KCNK1: variants seen among roughly 807,000 people sequenced by gnomAD.
KCNK1 encodes potassium two pore domain channel subfamily K member 1.
KCNK1 carries 10 observed loss-of-function variants against 22.2 expected under a neutral mutation model. The ratio of observed to expected loss-of-function variants is 0.45; its 90% CI spans 0.28 to 0.76. The LOEUF (loss-of-function observed/expected upper bound fraction) is 0.76. KCNK1 is among the 30% of genes least tolerant of loss of function. The probability of loss-of-function intolerance (pLI) is 0.14; values close to 1 mark genes in which losing one functional copy is unlikely to be tolerated. For synonymous variants in KCNK1, 200 were observed against 186.4 expected, an observed-to-expected ratio of 1.07 and a Z score of -0.60; for missense variants, 378 against 421.0, an observed-to-expected ratio of 0.90 and a Z score of 0.89.
At chr1:233,645,549 A>G (rs2102898105) in intron 1 of KCNK1, among the ~76,000 whole-genome samples, 1 of 152,366 alleles carries the variant, frequency 6.6e-6, no homozygotes, top group South Asian at 2.1e-4. Flanking sequence ...GGAAGAGGCA[A>G]GAAAGCCTTT....
chr1:233,633,326 A>G (rs1657838254), intron 1 of KCNK1, among the ~76,000 whole-genome samples: 2 of 151,990 alleles, frequency 1.3e-5, no homozygotes, highest in Non-Finnish European at 2.9e-5. Flanking sequence ...CCATTGGAGT[A>G]TGTATTATAG....
intron 2 of KCNK1, among the ~76,000 whole-genome samples, chr1:233,667,729 C>CA (rs71170433): frequency 0.11 from 9,696 of 85,962 alleles, 1,144 homozygotes; most frequent in African/African-American, 0.21. Context: ...GACTCCGTCT[C>CA]AAAAAAAAAA....
At chr1:233,666,020 C>A (rs1258756546) in intron 1 of KCNK1, among the ~76,000 whole-genome samples, 1 of 152,208 alleles carries the variant, frequency 6.6e-6, no homozygotes, top group Admixed American at 6.5e-5. Flanking sequence ...CATTTTTCTT[C>A]CGCTTTTTGA....
intron 1 of KCNK1, among the ~76,000 whole-genome samples, chr1:233,652,163 G>A (rs1245236622): frequency 6.6e-6 from 1 of 152,174 alleles, no homozygotes; most frequent in African/African-American, 2.4e-5. Flanking sequence ...AAGGCCATGG[G>A]ATCATGGGGG....
chr1:233,636,903 A>G (rs1476251209), intron 1 of KCNK1, among the ~76,000 whole-genome samples: 1 of 152,096 alleles, frequency 6.6e-6, no homozygotes, highest in African/African-American at 2.4e-5. Flanking sequence ...GGTGTTTAAG[A>G]TGGTGAGATG....
chr1:233,671,619 G>A lies in KCNK1; in HGVS notation c.*89G>A. On this transcript the variant is annotated 3_prime_UTR_variant, in exon 3 of 3. Transcript: ENST00000366621. ...TGTTCATTTTTATCAGAATGCAAAA[G>A]CGAAAATTATGTCACTTTAAGAAAT... 1 of 1,465,510 alleles carries A rather than the reference G, an allele frequency of 6.8e-7. No homozygotes were observed. The highest frequency in any genetic ancestry group is 1.3e-5 in the South Asian group (1 of 78,492). 90.8% of individuals were successfully genotyped at this position (1,465,510 alleles called of 1,614,324 possible).
intron 1 of KCNK1, among the ~76,000 whole-genome samples, chr1:233,628,782 A>AATAATAATAATAATAATAATAATAATG: frequency 6.6e-6 from 1 of 151,856 alleles, no homozygotes; most frequent in African/African-American, 2.4e-5. Flanking sequence ...TAATAATAAT[A>AATAATAATAATAATAATAATAATAATG]AATTTTAAAA....
intron 1 of KCNK1, among the ~76,000 whole-genome samples, chr1:233,653,827 C>CTA (rs925812075): frequency 1.3e-5 from 2 of 152,124 alleles, no homozygotes; most frequent in African/African-American, 2.4e-5. Context: ...TCTTATATAT[C>CTA]TATATATATC....
At chr1:233,618,204 C>T (rs1275511570) in intron 1 of KCNK1, among the ~76,000 whole-genome samples, 3 of 152,064 alleles carry the variant, frequency 2.0e-5, no homozygotes, top group East Asian at 3.9e-4. Context: ...GTTTGGGGGT[C>T]GCATGCCCTG....
chr1:233,621,785 A>G (rs1448896517), intron 1 of KCNK1, among the ~76,000 whole-genome samples: 4 of 152,184 alleles, frequency 2.6e-5, no homozygotes, highest in Admixed American at 6.5e-5. Context: ...AGCCCCTGGA[A>G]GATACTGCTA....
intron 1 of KCNK1, among the ~76,000 whole-genome samples, chr1:233,650,442 G>C (rs1156751506): frequency 6.6e-6 from 1 of 152,130 alleles, no homozygotes; most frequent in Non-Finnish European, 1.5e-5. Flanking sequence ...GAGAACAGAG[G>C]GGAGCATATA....
intron 1 of KCNK1, among the ~76,000 whole-genome samples, chr1:233,627,110 A>T (rs1657702323): frequency 6.6e-6 from 1 of 152,146 alleles, no homozygotes; most frequent in South Asian, 2.1e-4. Flanking sequence ...GAGGATTTTC[A>T]TGTGACTCTC....
chr1:233,663,416 A>C (rs2102909236), intron 1 of KCNK1, among the ~76,000 whole-genome samples: 1 of 152,324 alleles, frequency 6.6e-6, no homozygotes, highest in South Asian at 2.1e-4. Context: ...AGATTTAGTT[A>C]ACATTCTAAT....
chr1:233,618,396 TC>T (rs1231368636), intron 1 of KCNK1, among the ~76,000 whole-genome samples: 1 of 151,524 alleles, frequency 6.6e-6, no homozygotes. Flanking sequence ...TTTTTTTTTT[TC>T]CCCAAGGATT....
At chr1:233,619,114 C>T (rs908675629) in intron 1 of KCNK1, among the ~76,000 whole-genome samples, 1 of 152,066 alleles carries the variant, frequency 6.6e-6, no homozygotes, top group African/African-American at 2.4e-5. Flanking sequence ...AACTCCTGGG[C>T]TTAGTTGATC....
At chr1:233,625,282 G>A (rs1031956641) in intron 1 of KCNK1, among the ~76,000 whole-genome samples, 5 of 152,208 alleles carry the variant, frequency 3.3e-5, no homozygotes, top group Admixed American at 2.6e-4. Context: ...TTCCTTCTGG[G>A]TGTGGGGCAG....
intron 1 of KCNK1, among the ~76,000 whole-genome samples, chr1:233,640,264 CA>C (rs1184696635): frequency 2.0e-5 from 3 of 151,996 alleles, no homozygotes; most frequent in Non-Finnish European, 2.9e-5. Context: ...TAAGAAATAC[CA>C]ATTATGCAGT....
chr1:233,664,804 A>G (rs1406742230), intron 1 of KCNK1, among the ~76,000 whole-genome samples: 4 of 152,212 alleles, frequency 2.6e-5, no homozygotes, highest in African/African-American at 9.6e-5. Flanking sequence ...GAGTTTGTTT[A>G]TTTTTAAGCT....
intron 1 of KCNK1, among the ~76,000 whole-genome samples, chr1:233,637,833 G>A (rs1657929317): frequency 6.6e-6 from 1 of 152,122 alleles, no homozygotes; most frequent in South Asian, 2.1e-4. Context: ...TATTCACTGG[G>A]CTGAATAGAC....
Sources: allele counts gnomAD v4.1 joint callset (sites outside exome capture counted in the v4.1 genomes callset), GRCh38; gene constraint gnomAD v4.1.1; transcripts MANE v1.5; gene names NCBI Gene and HGNC (gene_info 2026-07-23, HGNC 2026-07-21).